The following RPS6KC1 variants were observed in gnomAD, a reference collection of about 807,000 sequenced individuals.
The protein encoded by RPS6KC1 is inactive ribosomal protein S6 kinase delta-1.
RPS6KC1 carries 54 observed loss-of-function variants against 103.8 expected under a neutral mutation model. The ratio of observed to expected loss-of-function variants is 0.52; its 90% confidence interval spans 0.42 to 0.65. The LOEUF (loss-of-function observed/expected upper bound fraction) is 0.65, where lower values mean the gene tolerates loss of function less well. Ranked by LOEUF, RPS6KC1 falls within the 30% of genes least tolerant of loss-of-function variation. The pLI, the probability that RPS6KC1 is intolerant of heterozygous loss-of-function variation, is 0.00. For missense variants in RPS6KC1, 1,151 were observed against 1,253.8 expected, an observed-to-expected ratio of 0.92 and a Z score of 1.24; for synonymous variants, 439 against 438.7, an observed-to-expected ratio of 1.00 and a Z score of -0.01.
chr1:213,201,085 A>G (rs1184268177), intron 8 of RPS6KC1, among the ~76,000 whole-genome samples: 2 of 152,190 alleles, frequency 1.3e-5, no homozygotes, highest in African/African-American at 4.8e-5. Context: ...AAGTTTGCCT[A>G]TGTAACAAAC....
intron 8 of RPS6KC1, among the ~76,000 whole-genome samples, chr1:213,190,887 T>C (rs1237390794): frequency 6.6e-6 from 1 of 152,188 alleles, no homozygotes. Flanking sequence ...TTCCCAGCAC[T>C]GTGTATTGAA....
the RPS6KC1 span, among the ~76,000 whole-genome samples, chr1:213,379,849 A>G: frequency 3.3e-5 from 5 of 152,176 alleles, no homozygotes; most frequent in African/African-American, 7.2e-5. Flanking sequence ...GGTTGTGGAG[A>G]AAAAGGAATG....
intron 3 of RPS6KC1, among the ~76,000 whole-genome samples, chr1:213,093,909 C>G (rs2081216445): frequency 1.3e-5 from 2 of 152,114 alleles, no homozygotes; most frequent in African/African-American, 4.8e-5. Flanking sequence ...TTGTGTTGCT[C>G]CGCTGTGAAG....
At chr1:213,148,571 C>T (rs534837706) in intron 6 of RPS6KC1, among the ~76,000 whole-genome samples, 1 of 152,166 alleles carries the variant, frequency 6.6e-6, no homozygotes, top group South Asian at 2.1e-4. Flanking sequence ...TTGTTGAATT[C>T]AGTTTGTTAG....
At chr1:213,565,890 C>T in the RPS6KC1 span, among the ~76,000 whole-genome samples, 5 of 146,580 alleles carry the variant, frequency 3.4e-5, no homozygotes, top group African/African-American at 1.3e-4. Flanking sequence ...ACCTGGGAAG[C>T]AGAGGTTGTG....
the RPS6KC1 span, among the ~76,000 whole-genome samples, chr1:213,302,635 G>A: frequency 4.0e-4 from 61 of 152,282 alleles, no homozygotes; most frequent in African/African-American, 1.3e-3. Flanking sequence ...TTGACGTGTC[G>A]TGGAAGATTA....
chr1:213,776,942 C>T, the RPS6KC1 span, among the ~76,000 whole-genome samples: 2 of 131,620 alleles, frequency 1.5e-5, no homozygotes, highest in Admixed American at 1.6e-4. Flanking sequence ...ATAAACCAAC[C>T]TCTGCTAGCT....
At chr1:213,618,877 G>T in the RPS6KC1 span, among the ~76,000 whole-genome samples, 1 of 152,102 alleles carries the variant, frequency 6.6e-6, no homozygotes, top group African/African-American at 2.4e-5. Context: ...CAGGTTGGAG[G>T]GATACAAAAA....
chr1:213,444,287 C>T, the RPS6KC1 span, among the ~76,000 whole-genome samples: 5 of 152,164 alleles, frequency 3.3e-5, no homozygotes, highest in African/African-American at 1.2e-4. Flanking sequence ...GTCACGTTCA[C>T]TCGTGCTAGG....
At chr1:213,676,845 A>C in the RPS6KC1 span, among the ~76,000 whole-genome samples, 1 of 152,178 alleles carries the variant, frequency 6.6e-6, no homozygotes, top group African/African-American at 2.4e-5. Context: ...CCCCCAACCT[A>C]AGTTGATTCT....
the RPS6KC1 span, among the ~76,000 whole-genome samples, chr1:213,808,953 T>G: frequency 6.6e-6 from 1 of 152,244 alleles, no homozygotes; most frequent in East Asian, 1.9e-4. Context: ...TTCTTATCAT[T>G]CCTGTGTTCA....
the RPS6KC1 span, among the ~76,000 whole-genome samples, chr1:213,470,408 T>C: frequency 6.6e-6 from 1 of 152,166 alleles, no homozygotes; most frequent in Non-Finnish European, 1.5e-5. Flanking sequence ...TTCTAGTGGT[T>C]TGACCGGATT....
intron 4 of RPS6KC1, among the ~76,000 whole-genome samples, chr1:213,111,265 A>G (rs2083006481): frequency 6.6e-6 from 1 of 152,114 alleles, no homozygotes; most frequent in Non-Finnish European, 1.5e-5. Flanking sequence ...TCACTTAACT[A>G]TACCAGAAGT....
the RPS6KC1 span, among the ~76,000 whole-genome samples, chr1:213,568,191 G>A: frequency 6.6e-6 from 1 of 152,226 alleles, no homozygotes; most frequent in East Asian, 1.9e-4. Flanking sequence ...TAAAGATAGA[G>A]CAACCAGCTG....
chr1:213,217,730 A>G (rs2093705349), intron 8 of RPS6KC1, among the ~76,000 whole-genome samples: 1 of 152,254 alleles, frequency 6.6e-6, no homozygotes, highest in African/African-American at 2.4e-5. Flanking sequence ...ATGCAAATCA[A>G]TAAACATAAT....
chr1:213,761,970 T>C, the RPS6KC1 span, among the ~76,000 whole-genome samples: 73 of 151,862 alleles, frequency 4.8e-4, 1 homozygote, highest in Non-Finnish European at 7.2e-4. Context: ...ACGAAAATGA[T>C]TGTTAGAGTC....
the RPS6KC1 span, among the ~76,000 whole-genome samples, chr1:213,372,537 A>G: frequency 1.3e-5 from 2 of 152,126 alleles, no homozygotes; most frequent in African/African-American, 4.8e-5. Flanking sequence ...TTCAGCAGCA[A>G]TTGCCCTCTA....
At chr1:213,623,454 TAAAG>T in the RPS6KC1 span, among the ~76,000 whole-genome samples, 3 of 152,096 alleles carry the variant, frequency 2.0e-5, no homozygotes, top group Non-Finnish European at 4.4e-5. Flanking sequence ...GCCGGAAATA[TAAAG>T]AGAGATAGCA....
At chr1:213,374,255 G>A in the RPS6KC1 span, among the ~76,000 whole-genome samples, 1,519 of 152,260 alleles carry the variant, frequency 1.0e-2, 36 homozygotes, top group Middle Eastern at 0.017. Flanking sequence ...AATAAATCTG[G>A]ATCAGTGAGA....
Sources: allele counts gnomAD v4.1 joint callset (sites outside exome capture counted in the v4.1 genomes callset), GRCh38; gene constraint gnomAD v4.1.1; transcripts MANE v1.5; gene names NCBI Gene and HGNC (gene_info 2026-07-23, HGNC 2026-07-21).